Variants in RNF170 observed in about 807,000 individuals in gnomAD.
The protein encoded by RNF170 is E3 ubiquitin-protein ligase RNF170.
RNF170 carries 12 observed loss-of-function variants against 32.7 expected under a neutral mutation model. The observed-to-expected ratio is 0.37, with a 90% CI of 0.24 to 0.60. RNF170 has a LOEUF of 0.60. Among genes scored for constraint, RNF170 ranks in the 20% least tolerant of loss-of-function variants. RNF170 has a pLI of 0.72. For synonymous variants in RNF170, 91 were observed against 103.6 expected, an observed-to-expected ratio of 0.88 and a Z score of 0.74; for missense variants, 212 against 311.2, an observed-to-expected ratio of 0.68 and a Z score of 2.40.
At chr8:42,864,955 T>TAAA (rs746102377) in intron 5 of RNF170, among the ~76,000 whole-genome samples, 148 of 144,014 alleles carry the variant, frequency 1.0e-3, no homozygotes, top group African/African-American at 3.5e-3. Context: ...GGGTACAGTT[T>TAAA]AAAAAAAAAA....
rs776468800 is a variant in RNF170, at chr8:42,853,815, T to G, written c.*2344A>C. On this transcript the variant is annotated 3_prime_UTR_variant, in exon 7 of 7. Coordinates refer to ENST00000527424, the MANE Select transcript of RNF170 (RefSeq NM_030954.4). The stretch of plus-strand genomic sequence containing the variant: ...ATGTTAGCACATACCCTTTTCACAA[T>G]TTAGGAAGCTTTAAGATCATTTAGT... The G allele has an allele frequency of 5.4e-5, 69 of 1,287,008 alleles. No individual in the cohort carries two copies. Among genetic ancestry groups the G allele is most frequent in the Non-Finnish European group, 6.4e-5 (63 of 988,660 alleles). The allele number at this position is 1,287,008 out of a possible 1,614,324, so 79.7% of individuals were successfully genotyped here.
Position 42,877,044 on chromosome 8 carries a change from C to T in RNF170, c.138-3038G>A, listed in dbSNP as rs545598252. On this transcript the variant is annotated intron_variant, in intron 2 of 6. Transcript: ENST00000527424. ...TCTCAGCTCACTGTAAGCTCCGTCT[C>T]CCGGGTTCATGCCATTCTCCTGTCT... Among the ~76,000 whole-genome samples, 6 of 150,560 alleles carry T rather than the reference C, an allele frequency of 4.0e-5. No homozygotes were observed. The East Asian group carries it at 1.2e-3, about 29-fold the overall frequency.
intron 4 of RNF170, among the ~76,000 whole-genome samples, chr8:42,866,791 A>G (rs1396317643): frequency 6.6e-6 from 1 of 152,236 alleles, no homozygotes; most frequent in East Asian, 1.9e-4. Context: ...GGCGACCTCA[A>G]GAAGGCACGG....
intron 1 of RNF170, among the ~76,000 whole-genome samples, chr8:42,890,204 C>G (rs918387162): frequency 6.7e-6 from 1 of 149,086 alleles, no homozygotes; most frequent in Non-Finnish European, 1.5e-5. Flanking sequence ...TTATACTGTA[C>G]AACATATATA....
intron 3 of RNF170, among the ~76,000 whole-genome samples, chr8:42,871,575 C>CTTT (rs879900479): frequency 6.9e-6 from 1 of 145,576 alleles, no homozygotes; most frequent in Admixed American, 6.9e-5. Context: ...CCCTTCTCTA[C>CTTT]TTTTTTTTTT....
Position 42,855,189 on chromosome 8 carries a change from T to G in RNF170, c.*970A>C. 1 of 1,286,762 alleles carries G rather than the reference T, an allele frequency of 7.8e-7. No homozygotes were observed. Among genetic ancestry groups the G allele is most frequent in the Non-Finnish European group, 1.0e-6 (1 of 988,526 alleles). The allele number at this position is 1,286,762 out of a possible 1,614,324, so 79.7% of individuals were successfully genotyped here. A position where few individuals can be genotyped will look rare whatever the true frequency, so the allele number is the denominator to read the frequency against. ...GAGCTCTTGTTTAAATGTCTAACTG[T>G]GAACATCAAGTGTGCTGACTGGAGA... On this transcript the variant is annotated 3_prime_UTR_variant, in exon 7 of 7. Coordinates refer to ENST00000527424, the MANE Select transcript of RNF170 (RefSeq NM_030954.4).
rs1271454944 is a variant in RNF170, at chr8:42,854,957, G to A, written c.*1202C>T. 7.8e-7 allele frequency: 1 copy of A among 1,287,154 alleles called. No individual in the cohort carries two copies. The highest frequency in any genetic ancestry group is 2.3e-5 in the Admixed American group (1 of 43,554). 79.7% of individuals were successfully genotyped at this position (1,287,154 alleles called of 1,614,324 possible). ...TGACAACAGAAAACTAACAAAATTTGTCCAATCTGTTGCTATAGCTAACCA... is the reference window on the plus strand; with the variant it reads ...TGACAACAGAAAACTAACAAAATTTATCCAATCTGTTGCTATAGCTAACCA... On this transcript the variant is annotated 3_prime_UTR_variant, in exon 7 of 7. Transcript: ENST00000527424.
intron 2 of RNF170, among the ~76,000 whole-genome samples, chr8:42,877,014 C>T (rs1305802705): frequency 4.1e-5 from 6 of 146,754 alleles, no homozygotes; most frequent in Non-Finnish European, 7.4e-5. Context: ...GGTGCAGTGG[C>T]GCCATCTCAG....
Position 42,861,598 on chromosome 8 carries a change from C to T in RNF170, c.507+147G>A, listed in dbSNP as rs939990777. 2.2e-5 allele frequency: 15 copies of T among 695,456 alleles called. No individual in the cohort carries two copies. In the African/African-American group the frequency reaches 2.3e-4, roughly 11 times the overall value. The allele number at this position is 695,456 out of a possible 1,614,324, so 43.1% of individuals were successfully genotyped here. A position where few individuals can be genotyped will look rare whatever the true frequency, so the allele number is the denominator to read the frequency against. ...GCTCAAGTGATCCACCTGCCTTGGC[C>T]TCCCAAAGTGCTAGGATTATAGGCG... On this transcript the variant is annotated intron_variant, in intron 6 of 6. Transcript: ENST00000527424.
chr8:42,850,936 A>C, downstream of RNF170: 1 of 1,551,682 alleles, frequency 6.4e-7, no homozygotes, highest in Non-Finnish European at 8.7e-7. Flanking sequence ...CTGTGTGTCC[A>C]GGCATGCAAC....
At chr8:42,896,975 T>G, upstream of RNF170, 1 of 449,446 alleles carries the variant, frequency 2.2e-6, no homozygotes, top group East Asian at 3.6e-5. Context: ...GGGGTGACGG[T>G]GCGGAGCCGC....
intron 2 of RNF170, among the ~76,000 whole-genome samples, chr8:42,877,381 T>A (rs1420518671): frequency 1.3e-5 from 2 of 152,120 alleles, no homozygotes; most frequent in Non-Finnish European, 2.9e-5. Context: ...TTGGCCCATG[T>A]TTTGGCCAGG....
In RNF170 at chr8:42,880,877, G is replaced by A. The variant is rs935121262; in HGVS notation, c.137+6851C>T. Among the ~76,000 whole-genome samples the A allele has an allele frequency of 3.3e-5, 5 of 152,156 alleles. No homozygotes were observed. The East Asian group carries it at 5.8e-4, about 18-fold the overall frequency. Reference sequence around the variant, plus strand: ...GACTCTCCACCAGCAAAAACATTACGACTTGCTGAAGGTTCAGATAGATAA... The same window carrying A: ...GACTCTCCACCAGCAAAAACATTACAACTTGCTGAAGGTTCAGATAGATAA... On this transcript the variant is annotated intron_variant, in intron 2 of 6. Transcript: ENST00000527424.
intron 2 of RNF170, among the ~76,000 whole-genome samples, chr8:42,874,770 A>C (rs1044425537): frequency 6.6e-6 from 1 of 151,946 alleles, no homozygotes; most frequent in Non-Finnish European, 1.5e-5. Flanking sequence ...AAGAAAAGCC[A>C]AACCTTAACA....
downstream of RNF170, among the ~76,000 whole-genome samples, chr8:42,851,757 G>GT (rs1554600674): frequency 2.6e-5 from 4 of 152,074 alleles, no homozygotes; most frequent in African/African-American, 9.7e-5. Context: ...TCCCACTTCA[G>GT]CTCTGGAGTA....
At chr8:42,889,716 T>G (rs2128955160) in intron 1 of RNF170, among the ~76,000 whole-genome samples, 1 of 152,284 alleles carries the variant, frequency 6.6e-6, no homozygotes, top group East Asian at 1.9e-4. Flanking sequence ...ATTACGAAGG[T>G]GCACACCAGG....
In RNF170 at chr8:42,854,783, A is replaced by G. The variant is rs770954918; in HGVS notation, c.*1376T>C. The G allele has an allele frequency of 8.5e-6, 11 of 1,287,412 alleles. No homozygotes were observed. Among genetic ancestry groups the G allele is most frequent in the Non-Finnish European group, 1.1e-5 (11 of 988,688 alleles). The allele number at this position is 1,287,412 out of a possible 1,614,324, so 79.7% of individuals were successfully genotyped here. On this transcript the variant is annotated 3_prime_UTR_variant, in exon 7 of 7. Coordinates refer to ENST00000527424, the MANE Select transcript of RNF170 (RefSeq NM_030954.4). ...GCATCCCCTCACATCCTGCTGTCAT[A>G]CATTCACTAATGAGCAACGCCAGCT...
At chr8:42,873,310 G>A (rs1270209280) in intron 3 of RNF170, among the ~76,000 whole-genome samples, 4 of 149,772 alleles carry the variant, frequency 2.7e-5, no homozygotes, top group African/African-American at 4.9e-5. Flanking sequence ...AAAAAAAAAC[G>A]CTTATTGGAA....
downstream of RNF170, chr8:42,850,605 G>T: frequency 1.4e-6 from 1 of 713,988 alleles, no homozygotes; most frequent in Non-Finnish European, 2.3e-6. Context: ...CATTGTCTCT[G>T]TTTTCATAGA....
Sources: allele counts gnomAD v4.1 joint callset (sites outside exome capture counted in the v4.1 genomes callset), GRCh38; gene constraint gnomAD v4.1.1; transcripts MANE v1.5; gene names NCBI Gene and HGNC (gene_info 2026-07-23, HGNC 2026-07-21).